SYT1: variants seen among roughly 807,000 people sequenced by gnomAD.
The protein encoded by SYT1 is synaptotagmin 1, also known as synaptotagmin-1.
In SYT1, 8 loss-of-function variants were observed where a neutral mutation model predicts 44.8. The ratio of observed to expected loss-of-function variants is 0.18; its 90% CI spans 0.10 to 0.32. The LOEUF (loss-of-function observed/expected upper bound fraction) is 0.32. SYT1 is among the 10% of genes least tolerant of loss of function. The pLI is 1.00. For synonymous variants in SYT1, 154 were observed against 188.8 expected (o/e 0.82, Z 1.51); for missense variants, 286 against 509.3 (o/e 0.56, Z 4.22).
chr12:79,408,662 C>A (rs911784684), intron 9 of SYT1, among the ~76,000 whole-genome samples: 3 of 151,708 alleles, frequency 2.0e-5, no homozygotes, highest in Admixed American at 2.0e-4. Flanking sequence ...GGTTTTAGGT[C>A]ATTTCTTTGA....
intron 3 of SYT1, among the ~76,000 whole-genome samples, chr12:79,049,774 A>T (rs919064288): frequency 2.2e-4 from 33 of 151,998 alleles, no homozygotes; most frequent in African/African-American, 4.8e-5. Flanking sequence ...GCTTTTTAGC[A>T]CAGGAAAGCT....
chr12:79,288,260 A>G (rs1451197459), intron 5 of SYT1, among the ~76,000 whole-genome samples: 1 of 152,128 alleles, frequency 6.6e-6, no homozygotes, highest in African/African-American at 2.4e-5. Context: ...TCAAAACAGC[A>G]TGAATACAAA....
intron 2 of SYT1, among the ~76,000 whole-genome samples, chr12:79,015,634 A>T (rs1871759412): frequency 6.6e-6 from 1 of 152,174 alleles, no homozygotes. Flanking sequence ...GACCGAAGTA[A>T]ATATAATCGC....
At chr12:79,375,244 G>T (rs1453184571) in intron 9 of SYT1, among the ~76,000 whole-genome samples, 5 of 152,184 alleles carry the variant, frequency 3.3e-5, no homozygotes, top group Admixed American at 2.0e-4. Context: ...CTCAGAGGAA[G>T]AGTACTTAAC....
chr12:79,244,686 A>G (rs1210725915), intron 4 of SYT1, among the ~76,000 whole-genome samples: 1 of 151,294 alleles, frequency 6.6e-6, no homozygotes, highest in East Asian at 1.9e-4. Flanking sequence ...CCTGGACGAC[A>G]GAGAGAGACC....
At chr12:78,909,996 TG>T (rs1876225394) in intron 1 of SYT1, among the ~76,000 whole-genome samples, 1 of 151,986 alleles carries the variant, frequency 6.6e-6, no homozygotes, top group South Asian at 2.1e-4. Context: ...CTTCCTCCTC[TG>T]TTCACATATA....
At chr12:79,323,118 C>CT (rs77432706) in intron 8 of SYT1, among the ~76,000 whole-genome samples, 1,429 of 141,734 alleles carry the variant, frequency 0.01, 14 homozygotes, top group African/African-American at 0.031. Context: ...CATTTTCTCT[C>CT]TTTTTTTTTT....
intron 5 of SYT1, among the ~76,000 whole-genome samples, chr12:79,291,368 G>A (rs982053826): frequency 1.3e-5 from 2 of 152,180 alleles, no homozygotes; most frequent in African/African-American, 4.8e-5. Flanking sequence ...GCTTTTGGTG[G>A]AGCTGTTATG....
At chr12:79,163,711 T>G (rs186232594) in intron 3 of SYT1, among the ~76,000 whole-genome samples, 1 of 152,024 alleles carries the variant, frequency 6.6e-6, no homozygotes, top group Non-Finnish European at 1.5e-5. Flanking sequence ...AAATTACCAG[T>G]TGGACAGCAG....
intron 8 of SYT1, among the ~76,000 whole-genome samples, chr12:79,349,703 T>G (rs1042012718): frequency 3.3e-5 from 5 of 152,180 alleles, no homozygotes; most frequent in African/African-American, 1.2e-4. Flanking sequence ...ACCCTTTTAG[T>G]CCCCATCACC....
At chr12:79,236,968 T>G (rs1006401281) in intron 4 of SYT1, among the ~76,000 whole-genome samples, 6 of 152,184 alleles carry the variant, frequency 3.9e-5, no homozygotes, top group Non-Finnish European at 7.3e-5. Flanking sequence ...ATTCAAGATA[T>G]TCAAACACAG....
chr12:79,280,388 C>T (rs1438407563), intron 4 of SYT1, among the ~76,000 whole-genome samples: 2 of 152,074 alleles, frequency 1.3e-5, no homozygotes, highest in Non-Finnish European at 2.9e-5. Context: ...CCGATGAGAA[C>T]ATACACTGGG....
At chr12:79,308,608 AAGAAAAAGAAAGAAAGAAAG>A (rs1386286870) in intron 8 of SYT1, among the ~76,000 whole-genome samples, 1,261 of 59,032 alleles carry the variant, frequency 0.021, 13 homozygotes, top group African/African-American at 0.043. Flanking sequence ...GAAAGAAAGA[AAGAAAAAGAAAGAAAGAAAG>A]AAAGAAAGAA....
intron 9 of SYT1, among the ~76,000 whole-genome samples, chr12:79,425,193 C>T (rs1869377357): frequency 6.6e-6 from 1 of 151,948 alleles, no homozygotes; most frequent in South Asian, 2.1e-4. Context: ...CTCATCCTTC[C>T]ACCCACTGTC....
chr12:79,194,570 G>A (rs775353204), intron 3 of SYT1, among the ~76,000 whole-genome samples: 16 of 151,962 alleles, frequency 1.1e-4, no homozygotes, highest in Non-Finnish European at 2.1e-4. Context: ...TAGAATTACA[G>A]ACATGAAAGG....
chr12:79,223,121 T>C lies in SYT1; in HGVS notation c.166+5436T>C, dbSNP rs566037975. On this transcript the variant is annotated intron_variant, in intron 4 of 10. Transcript: ENST00000261205. ...TACCTCTCCATTTATTTACAGTCAG[T>C]CACTTGCACCTTAGTTTTTTCCTTT... Among the ~76,000 whole-genome samples the C allele has an allele frequency of 8.5e-5, 13 of 152,358 alleles. No homozygotes were observed. The South Asian group carries it at 2.5e-3, about 29-fold the overall frequency.
At chr12:79,328,975 C>T (rs1881733838) in intron 8 of SYT1, among the ~76,000 whole-genome samples, 1 of 151,994 alleles carries the variant, frequency 6.6e-6, no homozygotes, top group Non-Finnish European at 1.5e-5. Flanking sequence ...GCTTAGGATG[C>T]TGCATTTTCA....
chr12:79,084,053 G>T (rs994474096), intron 3 of SYT1, among the ~76,000 whole-genome samples: 2 of 152,050 alleles, frequency 1.3e-5, no homozygotes, highest in African/African-American at 2.4e-5. Flanking sequence ...AGTAGCTGTT[G>T]GTGTGCTTTG....
At chr12:79,414,864 G>C (rs1447473844) in intron 9 of SYT1, among the ~76,000 whole-genome samples, 2 of 151,992 alleles carry the variant, frequency 1.3e-5, no homozygotes, top group African/African-American at 2.4e-5. Context: ...TAATTTTCAG[G>C]GTCCTCAAGA....
Sources: gnomAD v4.1 joint callset for allele counts (sites outside exome capture counted in the v4.1 genomes callset) on GRCh38, gnomAD v4.1.1 for gene constraint, MANE v1.5 for transcripts, NCBI Gene and HGNC (gene_info 2026-07-23, HGNC 2026-07-21) for gene names.